SLC38A12: variants seen among roughly 807,000 people sequenced by gnomAD.
The protein encoded by SLC38A12 is solute carrier family 38 member 12, also known as putative sodium-coupled neutral amino acid transporter 12.
At chr17:74,785,862 C>T in the SLC38A12 span, among the ~76,000 whole-genome samples, 6 of 152,176 alleles carry the variant, frequency 3.9e-5, no homozygotes, top group Non-Finnish European at 8.8e-5. Context: ...GAATGTTTCA[C>T]GTGATGCTGG....
the SLC38A12 span, chr17:74,795,198 A>G: frequency 1.8e-6 from 2 of 1,122,436 alleles, no homozygotes; most frequent in East Asian, 2.4e-5. Flanking sequence ...GAGAAGCACC[A>G]TGCCAAGTGA....
the SLC38A12 span, among the ~76,000 whole-genome samples, chr17:74,804,202 A>G: frequency 1.3e-4 from 20 of 152,250 alleles, no homozygotes; most frequent in Admixed American, 3.3e-4. Flanking sequence ...GCAGAGCCTG[A>G]TGTCTTTCTA....
chr17:74,837,012 C>T, the SLC38A12 span: 2 of 1,129,842 alleles, frequency 1.8e-6, no homozygotes, highest in Non-Finnish European at 2.2e-6. Flanking sequence ...ACTTCCAGGG[C>T]GGGCTACTCC....
chr17:74,792,805 C>T, the SLC38A12 span, among the ~76,000 whole-genome samples: 1 of 152,244 alleles, frequency 6.6e-6, no homozygotes, highest in Non-Finnish European at 1.5e-5. Context: ...AGAGGGATTT[C>T]AGAATTCAGC....
chr17:74,824,554 A>C, the SLC38A12 span, among the ~76,000 whole-genome samples: 1 of 152,072 alleles, frequency 6.6e-6, no homozygotes, highest in Non-Finnish European at 1.5e-5. Flanking sequence ...GCCTCCCATG[A>C]ACAGCTGGCT....
the SLC38A12 span, among the ~76,000 whole-genome samples, chr17:74,799,014 C>G: frequency 2.2e-5 from 2 of 92,280 alleles, no homozygotes; most frequent in Non-Finnish European, 4.3e-5. Context: ...GTCTGGGATG[C>G]AGGCGTGTGT....
At chr17:74,795,665 A>G in the SLC38A12 span, 2 of 1,560,684 alleles carry the variant, frequency 1.3e-6, no homozygotes, top group Non-Finnish European at 1.8e-6. Flanking sequence ...CGCCTGCCCC[A>G]GCCCAGCCTG....
the SLC38A12 span, among the ~76,000 whole-genome samples, chr17:74,823,831 C>G: frequency 1.3e-5 from 2 of 152,278 alleles, no homozygotes; most frequent in African/African-American, 4.8e-5. Context: ...CTTGTTCCCC[C>G]CGTGTGGGAC....
the SLC38A12 span, among the ~76,000 whole-genome samples, chr17:74,787,294 G>T: frequency 1.3e-4 from 19 of 151,406 alleles, no homozygotes; most frequent in African/African-American, 4.6e-4. Context: ...AGAGGCAGGG[G>T]TGAGTCTGCT....
the SLC38A12 span, among the ~76,000 whole-genome samples, chr17:74,826,198 C>G: frequency 1.3e-5 from 2 of 152,076 alleles, no homozygotes; most frequent in African/African-American, 4.8e-5. Flanking sequence ...CTGCCAGGCT[C>G]CGAGGGTGTG....
At chr17:74,791,884 C>T in the SLC38A12 span, among the ~76,000 whole-genome samples, 7 of 152,306 alleles carry the variant, frequency 4.6e-5, no homozygotes, top group Non-Finnish European at 7.3e-5. Flanking sequence ...CGGTGGCTAA[C>T]TCCTGTAATC....
At chr17:74,836,734 C>T in the SLC38A12 span, 21 of 1,533,656 alleles carry the variant, frequency 1.4e-5, no homozygotes, top group Non-Finnish European at 1.8e-5. This position sits in a 1 kb window ranked among gnomAD's most constrained non-coding sequence, Gnocchi z 4.2. Context: ...GGGCCCCAGC[C>T]CCACCCCTCG....
chr17:74,806,923 C>T, the SLC38A12 span, among the ~76,000 whole-genome samples: 1 of 152,218 alleles, frequency 6.6e-6, no homozygotes, highest in South Asian at 2.1e-4. Flanking sequence ...CACCCAGCGC[C>T]TCACAGCAGA....
chr17:74,838,842 A>G, the SLC38A12 span: 9 of 1,528,096 alleles, frequency 5.9e-6, no homozygotes, highest in East Asian at 2.0e-4. Flanking sequence ...GCCATCATCA[A>G]CTTGGCAAAG....
At chr17:74,778,158 G>A in the SLC38A12 span, among the ~76,000 whole-genome samples, 1 of 152,246 alleles carries the variant, frequency 6.6e-6, no homozygotes, top group African/African-American at 2.4e-5. Flanking sequence ...AGAACAATTA[G>A]AATGATTGAT....
chr17:74,786,240 G>A, the SLC38A12 span, among the ~76,000 whole-genome samples: 5 of 152,330 alleles, frequency 3.3e-5, no homozygotes, highest in East Asian at 9.6e-4. Flanking sequence ...GGACTAGTCT[G>A]AAGTTGTCAG....
chr17:74,782,984 A>C, the SLC38A12 span, among the ~76,000 whole-genome samples: 1 of 152,144 alleles, frequency 6.6e-6, no homozygotes, highest in Non-Finnish European at 1.5e-5. Flanking sequence ...TACAAAATTA[A>C]GCCAGGCATG....
At chr17:74,837,615 T>G in the SLC38A12 span, 1 of 985,298 alleles carries the variant, frequency 1.0e-6, no homozygotes, top group Non-Finnish European at 1.2e-6. Flanking sequence ...ACTCCAACAC[T>G]AAAAGCGGCT....
chr17:74,785,308 C>T, the SLC38A12 span, among the ~76,000 whole-genome samples: 2 of 152,200 alleles, frequency 1.3e-5, no homozygotes, highest in African/African-American at 4.8e-5. Context: ...TCTGTGGTTG[C>T]AAGCCTGGCT....
Sources: allele counts gnomAD v4.1 joint callset (sites outside exome capture counted in the v4.1 genomes callset), GRCh38; gene constraint gnomAD v4.1.1; non-coding constraint Gnocchi (gnomAD v3.1); transcripts MANE v1.5; gene names NCBI Gene and HGNC (gene_info 2026-07-23, HGNC 2026-07-21).